Variants in NAALADL2 observed in about 807,000 individuals in gnomAD.
NAALADL2 encodes inactive N-acetylated-alpha-linked acidic dipeptidase-like protein 2.
A neutral mutation model predicts 87.2 loss-of-function variants in NAALADL2; 76 were observed. The observed-to-expected ratio is 0.87, with a 90% CI of 0.72 to 1.05. NAALADL2 has a LOEUF of 1.05. Among genes scored for constraint, NAALADL2 ranks in the 50% least tolerant of loss-of-function variants. The pLI is 0.00. For missense variants in NAALADL2, 1,089 were observed against 945.8 expected (o/e 1.15, Z -1.99); for synonymous variants, 354 against 331.0 (o/e 1.07, Z -0.75).
At chr3:175,647,531 G>C (rs1730175787) in intron 11 of NAALADL2, among the ~76,000 whole-genome samples, 1 of 152,088 alleles carries the variant, frequency 6.6e-6, no homozygotes, top group South Asian at 2.1e-4. Context: ...TCTGATTACA[G>C]AATTTACTAT....
intron 9 of NAALADL2, among the ~76,000 whole-genome samples, chr3:175,514,298 A>G (rs1044498161): frequency 2.0e-5 from 3 of 152,194 alleles, no homozygotes; most frequent in African/African-American, 7.2e-5. Context: ...GACAATGAAT[A>G]TTATCACTAA....
At chr3:174,872,288 G>A (rs182851509) in intron 1 of NAALADL2, among the ~76,000 whole-genome samples, 1 of 152,154 alleles carries the variant, frequency 6.6e-6, no homozygotes, top group Admixed American at 6.5e-5. Flanking sequence ...TAAGAGTCAC[G>A]TCCACCACAT....
intron 3 of NAALADL2, among the ~76,000 whole-genome samples, chr3:174,826,487 G>A (rs1722014065): frequency 6.6e-6 from 1 of 152,162 alleles, no homozygotes; most frequent in South Asian, 2.1e-4. Context: ...TTAAATGTTG[G>A]CAAGCTAGCT....
chr3:174,536,718 T>C (rs1721759099), intron 1 of NAALADL2: 1 of 152,128 alleles, frequency 6.6e-6, no homozygotes. Context: ...TATAAATATT[T>C]GTAAAGCTGT....
intron 1 of NAALADL2, among the ~76,000 whole-genome samples, chr3:174,898,112 CAAAAAAAAAAAAAAAAAAAAAA>C (rs913382744): frequency 2.1e-4 from 3 of 14,498 alleles, no homozygotes; most frequent in Non-Finnish European, 3.5e-4. Flanking sequence ...GACTCCGTCT[CAAAAAAAAAAAAAAAAAAAAAA>C]AAAAAAAAAG....
At chr3:175,035,780 G>A (rs1753335695) in intron 1 of NAALADL2, among the ~76,000 whole-genome samples, 1 of 152,090 alleles carries the variant, frequency 6.6e-6, no homozygotes, top group South Asian at 2.1e-4. Flanking sequence ...TTTAAAATAT[G>A]TTCTCCAGAC....
At chr3:175,110,197 C>A (rs1723949388) in intron 2 of NAALADL2, among the ~76,000 whole-genome samples, 1 of 151,680 alleles carries the variant, frequency 6.6e-6, no homozygotes, top group Non-Finnish European at 1.5e-5. Context: ...CTAAAAGAAG[C>A]AAGTTAAGGA....
chr3:175,455,765 C>T (rs558588787), intron 6 of NAALADL2, among the ~76,000 whole-genome samples: 45 of 152,096 alleles, frequency 3.0e-4, no homozygotes, highest in African/African-American at 1.1e-3. Context: ...GGAAAGATAG[C>T]TGCAGACCAC....
intron 11 of NAALADL2, among the ~76,000 whole-genome samples, chr3:175,699,331 A>G (rs1738651192): frequency 6.6e-6 from 1 of 152,014 alleles, no homozygotes; most frequent in South Asian, 2.1e-4. Flanking sequence ...CCTATTATCC[A>G]TATAGATGAC....
chr3:175,629,240 C>A, intron 11 of NAALADL2, among the ~76,000 whole-genome samples: 1 of 147,722 alleles, frequency 6.8e-6, no homozygotes, highest in Non-Finnish European at 1.5e-5. Flanking sequence ...TATTCATAAA[C>A]ATATATGATA....
At chr3:175,359,854 G>A (rs1034671233) in intron 5 of NAALADL2, among the ~76,000 whole-genome samples, 1 of 152,118 alleles carries the variant, frequency 6.6e-6, no homozygotes, top group Non-Finnish European at 1.5e-5. Context: ...GACCAGAAAT[G>A]AAGAAAGGAG....
At chr3:175,542,751 G>A (rs1712591281) in intron 9 of NAALADL2, among the ~76,000 whole-genome samples, 1 of 152,146 alleles carries the variant, frequency 6.6e-6, no homozygotes, top group African/African-American at 2.4e-5. Flanking sequence ...GATGTAAGTG[G>A]ACCTACACAG....
At chr3:175,362,548 A>C (rs554710719) in intron 5 of NAALADL2, among the ~76,000 whole-genome samples, 1 of 147,908 alleles carries the variant, frequency 6.8e-6, no homozygotes, top group East Asian at 2.0e-4. Flanking sequence ...TTCGTTAAGC[A>C]CTATATATCA....
In NAALADL2 at chr3:175,584,521, T is replaced by C. The variant is rs185363546; in HGVS notation, c.1800+8334T>C. ...AAGGTTTTCTAGACAAAATGATGTA[T>C]AGTCATGTGTCTCTAATGATGGAAA... On this transcript the variant is annotated intron_variant, in intron 10 of 13. Transcript: ENST00000454872. Among the ~76,000 whole-genome samples the C allele has an allele frequency of 1.9e-3, 297 of 152,358 alleles. 3 individuals are homozygous for C. Among genetic ancestry groups the C allele is most frequent in the African/African-American group, 6.9e-3 (289 of 41,586 alleles).
At chr3:175,318,391 A>C (rs1759423088) in intron 4 of NAALADL2, among the ~76,000 whole-genome samples, 1 of 151,980 alleles carries the variant, frequency 6.6e-6, no homozygotes, top group Non-Finnish European at 1.5e-5. Flanking sequence ...CTTTGCCTAC[A>C]CCTTTTTCTC....
At chr3:174,495,391 T>C (rs767007135) in intron 1 of NAALADL2, among the ~76,000 whole-genome samples, 19 of 152,162 alleles carry the variant, frequency 1.2e-4, no homozygotes, top group Non-Finnish European at 2.5e-4. Context: ...TCAAAAAACA[T>C]TTAATGGGCA....
At chr3:175,386,356 A>G (rs1247178636) in intron 5 of NAALADL2, among the ~76,000 whole-genome samples, 2 of 151,866 alleles carry the variant, frequency 1.3e-5, no homozygotes, top group Non-Finnish European at 2.9e-5. Context: ...TAATGGTATT[A>G]TTTAAAATCT....
intron 1 of NAALADL2, among the ~76,000 whole-genome samples, chr3:174,971,454 C>A (rs566821032): frequency 6.6e-6 from 1 of 152,188 alleles, no homozygotes; most frequent in Non-Finnish European, 1.5e-5. Context: ...CCCAGAAAGG[C>A]CTTTCCTGAA....
chr3:175,399,383 T>C (rs1770263920), intron 5 of NAALADL2, among the ~76,000 whole-genome samples: 1 of 152,038 alleles, frequency 6.6e-6, no homozygotes, highest in African/African-American at 2.4e-5. Context: ...CCCAGCCTCA[T>C]TTGTGCCAGT....
Sources: allele counts gnomAD v4.1 joint callset (sites outside exome capture counted in the v4.1 genomes callset), GRCh38; gene constraint gnomAD v4.1.1; transcripts MANE v1.5; gene names NCBI Gene and HGNC (gene_info 2026-07-23, HGNC 2026-07-21).